AVEN: variants seen among roughly 807,000 people sequenced by gnomAD.
The protein encoded by AVEN is cell death regulator Aven.
Under a neutral mutation model 38.1 loss-of-function variants are expected in AVEN, and 41 were observed. The observed-to-expected ratio is 1.08, with a 90% confidence interval of 0.84 to 1.40. The LOEUF is 1.40. Among genes scored for constraint, AVEN ranks in the 40% most tolerant of loss-of-function variants. The pLI, the probability that AVEN is intolerant of heterozygous loss-of-function variation, is 0.00. For missense variants in AVEN, 605 were observed against 438.8 expected (o/e 1.38, Z -3.38); for synonymous variants, 206 against 171.8 (o/e 1.20, Z -1.56).
In AVEN at chr15:34,063,250, T is replaced by A. The variant is rs766804444; in HGVS notation, n.1309A>T. The A allele has an allele frequency of 1.7e-5, 28 of 1,614,142 alleles. No homozygotes were observed. In the South Asian group the frequency reaches 2.9e-4, roughly 16 times the overall value. On this transcript the variant is annotated non_coding_transcript_exon_variant, in exon 5 of 12. Coordinates refer to the AVEN transcript ENST00000675287. The surrounding 1 kb of genome is among the most constrained non-coding windows in gnomAD (Gnocchi z 4.1). ...CAGTACTTGGTTGGGAAGCGGACAG[T>A]TCCACTGGATGAGTGCCAGATCCAG...
rs991510799 is a variant in AVEN at position 34,030,147 on chromosome 15, G to A, written c.267+8633C>T. Among the ~76,000 whole-genome samples the A allele has an allele frequency of 2.9e-4, 44 of 151,982 alleles. 1 individual carries two copies. The highest frequency in any genetic ancestry group is 9.7e-5 in the African/African-American group (4 of 41,378). ...CACATGTCTGTAATCCCAGCTACTC[G>A]GGAGGCTGAGGCAGGAGAATCTCTT... is the stretch of plus-strand genomic sequence containing the variant. On this transcript the variant is annotated intron_variant, in intron 1 of 5. Transcript: ENST00000306730.
downstream of AVEN, chr15:33,864,037 G>A (rs973390878): frequency 8.9e-6 from 7 of 786,344 alleles, no homozygotes; most frequent in South Asian, 1.6e-5. Context: ...TGTAGATAGC[G>A]TGGGACCAAC....
intron 2 of AVEN, among the ~76,000 whole-genome samples, chr15:33,957,180 ATAATGAACTACATTTTTTAAATC>A (rs988769341): frequency 2.0e-5 from 3 of 152,216 alleles, no homozygotes; most frequent in African/African-American, 7.2e-5. Context: ...CTTTGAATGA[ATAATGAACTACATTTTTTAAATC>A]TAAACATAGA....
chr15:33,972,158 G>A (rs1049325112), intron 2 of AVEN: 37 of 151,966 alleles, frequency 2.4e-4, no homozygotes, highest in African/African-American at 8.9e-4. Context: ...ATTCAAAAGC[G>A]GGAGTAAACA....
chr15:34,001,288 C>T (rs1597334261), intron 2 of AVEN, among the ~76,000 whole-genome samples: 1 of 152,166 alleles, frequency 6.6e-6, no homozygotes, highest in East Asian at 1.9e-4. Flanking sequence ...TCCCAAAGTG[C>T]TGGGATTACA....
intron 1 of AVEN, among the ~76,000 whole-genome samples, chr15:34,006,746 CAG>C (rs757951317): frequency 1.2e-3 from 179 of 152,200 alleles, no homozygotes; most frequent in Middle Eastern, 3.4e-3. Flanking sequence ...AATGCAGAGA[CAG>C]AGTTGTCATT....
At position 34,047,204 on chromosome 15, in the gene AVEN, A is replaced by C. The variant is rs183010570; in HGVS notation, n.1637+15718T>G. Among the ~76,000 whole-genome samples the C allele has an allele frequency of 5.8e-3, 877 of 151,692 alleles. 11 individuals are homozygous for C. The highest frequency in any genetic ancestry group is 0.021 in the African/African-American group (848 of 41,302). The stretch of plus-strand genomic sequence containing the variant: ...GCCATTCTCCTGCCTCAGCCTCCCG[A>C]GTAGCTGGGACTACAGGCGCCCGCC... On this transcript the variant is annotated intron_variant and non_coding_transcript_variant, in intron 5 of 11. Coordinates refer to the AVEN transcript ENST00000675287.
rs144109006 is a variant in AVEN, at chr15:33,920,490, G to A, written c.446-44495C>T. On this transcript the variant is annotated intron_variant, in intron 2 of 5. Transcript: ENST00000306730. ...CCCACTACTTGTTGTCAATATCACGGTATTCCTTTTGATAGCAGTCTCATT... is the reference window on the plus strand; with the variant it reads ...CCCACTACTTGTTGTCAATATCACGATATTCCTTTTGATAGCAGTCTCATT... Among the ~76,000 whole-genome samples, 730 of 152,220 alleles carry A rather than the reference G, an allele frequency of 4.8e-3. 6 individuals are homozygous for A. Among genetic ancestry groups the A allele is most frequent in the African/African-American group, 0.017 (707 of 41,544 alleles).
intron 2 of AVEN, among the ~76,000 whole-genome samples, chr15:33,891,823 G>T (rs9796706): frequency 0.82 from 124,714 of 152,136 alleles, 55,201 homozygotes; most frequent in Non-Finnish European, 0.98. Flanking sequence ...CCACAATGGT[G>T]GAACCAATTT....
chr15:33,886,793 T>C (rs1334204055), intron 2 of AVEN, among the ~76,000 whole-genome samples: 1 of 152,200 alleles, frequency 6.6e-6, no homozygotes, highest in Non-Finnish European at 1.5e-5. Flanking sequence ...GACTAATACA[T>C]TTGTCAACTA....
chr15:33,990,771 T>C (rs761071567), intron 2 of AVEN: 1 of 152,220 alleles, frequency 6.6e-6, no homozygotes, highest in African/African-American at 2.4e-5. Flanking sequence ...TTTGATGACT[T>C]TAATTTGCCG....
At chr15:34,053,546 T>C in intron 5 of AVEN, among the ~76,000 whole-genome samples, 1 of 151,836 alleles carries the variant, frequency 6.6e-6, no homozygotes, top group Admixed American at 6.6e-5. Flanking sequence ...ACATCTGATC[T>C]TTGACAAACC....
downstream of AVEN, chr15:33,865,877 CT>C (rs1890350834): frequency 6.6e-6 from 1 of 152,550 alleles, no homozygotes; most frequent in African/African-American, 2.4e-5. Flanking sequence ...CTTTATGAAA[CT>C]GCACTTGAAG....
chr15:33,948,916 G>T (rs549625122), intron 2 of AVEN, among the ~76,000 whole-genome samples: 1 of 151,724 alleles, frequency 6.6e-6, no homozygotes, highest in East Asian at 2.0e-4. Flanking sequence ...CAAGGGATCC[G>T]CCCACCTTGG....
intron 1 of AVEN, among the ~76,000 whole-genome samples, chr15:34,023,135 C>T (rs539685198): frequency 6.4e-4 from 98 of 152,190 alleles, no homozygotes; most frequent in African/African-American, 2.0e-3. Context: ...GAACTGAGAT[C>T]GCGCCACTGC....
chr15:34,056,517 T>C (rs1207393275), intron 5 of AVEN, among the ~76,000 whole-genome samples: 1 of 152,244 alleles, frequency 6.6e-6, no homozygotes, highest in Non-Finnish European at 1.5e-5. Flanking sequence ...ACTAGGCTAA[T>C]GTGTCTTCTG....
At chr15:33,981,148 G>C (rs1019261253) in intron 2 of AVEN, among the ~76,000 whole-genome samples, 4 of 152,116 alleles carry the variant, frequency 2.6e-5, no homozygotes, top group African/African-American at 9.7e-5. Flanking sequence ...GAAAATATCT[G>C]AATTAAGAAA....
At chr15:34,036,283 C>G (rs2632089) in intron 1 of AVEN, among the ~76,000 whole-genome samples, 1 of 152,176 alleles carries the variant, frequency 6.6e-6, no homozygotes, top group Non-Finnish European at 1.5e-5. Flanking sequence ...CTAAGTTACC[C>G]TGGAGTATTA....
intron 5 of AVEN, 98 bp downstream of exon 5, chr15:33,867,397 A>C (rs1890648371): frequency 1.4e-6 from 2 of 1,456,072 alleles, no homozygotes; most frequent in Non-Finnish European, 9.2e-7. Flanking sequence ...GATCAATGTC[A>C]GACACCCAGA....
Sources: allele counts gnomAD v4.1 joint callset (sites outside exome capture counted in the v4.1 genomes callset), GRCh38; gene constraint gnomAD v4.1.1; non-coding constraint Gnocchi (gnomAD v3.1); transcripts MANE v1.5; gene names NCBI Gene and HGNC (gene_info 2026-07-23, HGNC 2026-07-21).